Variants in FSTL4 observed in about 807,000 individuals in gnomAD.
FSTL4 encodes follistatin-related protein 4.
A neutral mutation model predicts 78.2 loss-of-function variants in FSTL4; 28 were observed. That is an observed-to-expected ratio of 0.36 (90% CI 0.27 to 0.49). The LOEUF is 0.49. Among genes scored for constraint, FSTL4 ranks in the 20% least tolerant of loss-of-function variants. The pLI, the probability that FSTL4 is intolerant of heterozygous loss-of-function variation, is 0.98. For synonymous variants in FSTL4, 422 were observed against 440.5 expected (o/e 0.96, Z 0.53); for missense variants, 922 against 1,084.9 (o/e 0.85, Z 2.11).
chr5:133,202,135 G>T, intron 14 of FSTL4, 93 bp from the exon 15 acceptor site: 1 of 736,658 alleles, frequency 1.4e-6, no homozygotes, highest in Non-Finnish European at 2.3e-6. Flanking sequence ...CACCCCGGCA[G>T]AGGGGTGCTT....
chr5:133,282,006 C>T lies in FSTL4; in HGVS notation c.727+30648G>A, dbSNP rs540549642. Among the ~76,000 whole-genome samples, 6 of 152,170 alleles carry T rather than the reference C, an allele frequency of 3.9e-5. No homozygotes were observed. In the South Asian group the frequency reaches 6.2e-4, roughly 16 times the overall value. On this transcript the variant is annotated intron_variant, in intron 6 of 15. Transcript: ENST00000265342. The stretch of plus-strand genomic sequence containing the variant: ...GGAATCTGAGCACCTATGTTTTCCC[C>T]GAAGCATGAATTCATAGAGCACTCA...
chr5:133,689,468 G>A, the FSTL4 span, among the ~76,000 whole-genome samples: 19 of 152,276 alleles, frequency 1.2e-4, no homozygotes, highest in African/African-American at 4.1e-4. Context: ...TCCCACAATA[G>A]CCTCAATGTA....
At chr5:133,665,235 C>A in the FSTL4 span, among the ~76,000 whole-genome samples, 1 of 152,314 alleles carries the variant, frequency 6.6e-6, no homozygotes, top group East Asian at 1.9e-4. Flanking sequence ...AATTCCTAAA[C>A]CTCAGTGGCT....
In FSTL4 at chr5:133,463,223, C is replaced by T. The variant is rs1757633036; in HGVS notation, c.161-62237G>A. ...AATTTTAGTCAGGCTTTTTTGAGCC[C>T]TCTGCTTTGCAGGGCCTAATCCTTG... On this transcript the variant is annotated intron_variant, in intron 3 of 15. Coordinates refer to ENST00000265342, the MANE Select transcript of FSTL4 (RefSeq NM_015082.2). Among the ~76,000 whole-genome samples, 3 of 152,294 alleles carry T rather than the reference C, an allele frequency of 2.0e-5. No individual in the cohort carries two copies. The South Asian group carries it at 6.2e-4, about 32-fold the overall frequency.
intron 2 of FSTL4, among the ~76,000 whole-genome samples, chr5:133,575,652 C>T (rs560796895): frequency 6.6e-6 from 1 of 152,242 alleles, no homozygotes; most frequent in South Asian, 2.1e-4. Context: ...AAAAAAGCAA[C>T]CCCTCAAAAG....
At chr5:133,841,958 A>G in the FSTL4 span, among the ~76,000 whole-genome samples, 3 of 152,230 alleles carry the variant, frequency 2.0e-5, no homozygotes, top group African/African-American at 7.2e-5. Context: ...TTACCTGTCC[A>G]CAGGAGGCAG....
At chr5:133,489,637 T>A (rs950454101) in intron 3 of FSTL4, among the ~76,000 whole-genome samples, 1 of 152,100 alleles carries the variant, frequency 6.6e-6, no homozygotes, top group Non-Finnish European at 1.5e-5. Context: ...GGAGGAAAGT[T>A]CCCTTTTAGC....
intron 3 of FSTL4, among the ~76,000 whole-genome samples, chr5:133,559,381 G>T (rs575215784): frequency 6.6e-6 from 1 of 152,174 alleles, no homozygotes; most frequent in Non-Finnish European, 1.5e-5. Context: ...CAAATGTCAA[G>T]CTTAACTTCT....
chr5:133,387,670 A>G (rs1470442460), intron 4 of FSTL4: 1 of 152,194 alleles, frequency 6.6e-6, no homozygotes, highest in Non-Finnish European at 1.5e-5. Context: ...GGCCTTCCCA[A>G]TTGTCCTGAC....
intron 1 of FSTL4, among the ~76,000 whole-genome samples, chr5:133,604,574 T>G (rs1760936491): frequency 6.6e-6 from 1 of 152,124 alleles, no homozygotes; most frequent in Non-Finnish European, 1.5e-5. Flanking sequence ...CTGGGCGTGG[T>G]AGCAGGCACC....
chr5:133,259,380 A>G (rs1352100233), intron 6 of FSTL4, among the ~76,000 whole-genome samples: 1 of 152,164 alleles, frequency 6.6e-6, no homozygotes, highest in Non-Finnish European at 1.5e-5. Context: ...GTGCAGCTGA[A>G]GCACATGGCA....
At chr5:133,242,340 A>G (rs1030230206) in intron 7 of FSTL4, among the ~76,000 whole-genome samples, 16 of 152,278 alleles carry the variant, frequency 1.1e-4, no homozygotes, top group Admixed American at 7.8e-4. Flanking sequence ...AGAGGCACCA[A>G]TCGGCCTCCT....
At chr5:133,470,456 AGTCTTAGG>A (rs1757797109) in intron 3 of FSTL4, among the ~76,000 whole-genome samples, 1 of 152,188 alleles carries the variant, frequency 6.6e-6, no homozygotes, top group Non-Finnish European at 1.5e-5. Flanking sequence ...TAAAAGCATG[AGTCTTAGG>A]CTGGGCGCAG....
intron 6 of FSTL4, among the ~76,000 whole-genome samples, chr5:133,280,354 T>C (rs1752982610): frequency 6.6e-6 from 1 of 152,154 alleles, no homozygotes; most frequent in African/African-American, 2.4e-5. Flanking sequence ...GCAGGCTCAG[T>C]TGGCCCACTC....
chr5:133,810,867 A>G, the FSTL4 span, among the ~76,000 whole-genome samples: 1 of 152,220 alleles, frequency 6.6e-6, no homozygotes, highest in Non-Finnish European at 1.5e-5. Context: ...AGTCCCAGGT[A>G]GTCTTCTCTT....
At chr5:133,209,822 A>C in intron 14 of FSTL4, 1 of 195,660 alleles carries the variant, frequency 5.1e-6, no homozygotes. Context: ...CTCCTTCTTC[A>C]TTGGCTAACA....
chr5:133,295,248 T>C (rs1753363070), intron 6 of FSTL4, among the ~76,000 whole-genome samples: 1 of 152,172 alleles, frequency 6.6e-6, no homozygotes, highest in Non-Finnish European at 1.5e-5. Context: ...CACCCATCTC[T>C]GTCGGTTCAC....
the FSTL4 span, among the ~76,000 whole-genome samples, chr5:133,625,378 T>A: frequency 2.6e-5 from 4 of 151,654 alleles, no homozygotes; most frequent in Admixed American, 2.0e-4. Flanking sequence ...TTCATTTAAT[T>A]TTAGTTGTCA....
chr5:133,299,507 G>C (rs1753482914), intron 6 of FSTL4, among the ~76,000 whole-genome samples: 1 of 152,170 alleles, frequency 6.6e-6, no homozygotes, highest in Non-Finnish European at 1.5e-5. Context: ...GGAGAGTCTG[G>C]CATGAATTTT....
Sources: allele counts gnomAD v4.1 joint callset (sites outside exome capture counted in the v4.1 genomes callset), GRCh38; gene constraint gnomAD v4.1.1; transcripts MANE v1.5; gene names NCBI Gene and HGNC (gene_info 2026-07-23, HGNC 2026-07-21).